The following WDR70 variants were observed in gnomAD, a reference collection of about 807,000 sequenced individuals.
WDR70 encodes the protein WD repeat-containing protein 70.
A neutral mutation model predicts 88.6 loss-of-function variants in WDR70; 53 were observed. The observed-to-expected ratio is 0.60, with a 90% confidence interval of 0.48 to 0.75. The LOEUF (loss-of-function observed/expected upper bound fraction) is 0.75, where lower values mean the gene tolerates loss of function less well. Among genes scored for constraint, WDR70 ranks in the 30% least tolerant of loss-of-function variants. The pLI is 0.00. For missense variants in WDR70, 610 were observed against 823.2 expected (o/e 0.74, Z 3.17); for synonymous variants, 280 against 270.0 (o/e 1.04, Z -0.36).
chr5:37,652,197 T>C (rs1407440276), intron 10 of WDR70, among the ~76,000 whole-genome samples: 3 of 152,250 alleles, frequency 2.0e-5, no homozygotes, highest in African/African-American at 7.2e-5. Flanking sequence ...ACATAGGGAA[T>C]CCTTTCCCCA....
intron 7 of WDR70, among the ~76,000 whole-genome samples, chr5:37,444,521 T>C (rs1192704338): frequency 6.6e-6 from 1 of 151,886 alleles, no homozygotes; most frequent in Non-Finnish European, 1.5e-5. Flanking sequence ...TTGTATTTTT[T>C]TGGTAGAGAT....
chr5:37,534,062 C>G (rs1741581053), intron 9 of WDR70, among the ~76,000 whole-genome samples: 1 of 152,136 alleles, frequency 6.6e-6, no homozygotes, highest in Admixed American at 6.6e-5. Flanking sequence ...TGTGGAAATT[C>G]TTGGTGCTGC....
Position 37,703,075 on chromosome 5 carries a change from C to G in WDR70, c.1404C>G (p.Asp468Glu). 6.2e-7 allele frequency: 1 copy of G among 1,611,038 alleles called. No homozygotes were observed. Among genetic ancestry groups the G allele is most frequent in the Non-Finnish European group, 8.5e-7 (1 of 1,177,534 alleles). The change falls in exon 13 of 18, where the codon GAC becomes GAG. Residue 468 changes from aspartate to glutamate, a missense_variant. Transcript: ENST00000265107. ...RRTFQRVYEI[D>E]ITDASVVRCL... Reference sequence around the variant, plus strand: ...CTTTCCAAAGGGTGTATGAAATAGACATCACAGATGCGGTACGTATATTCT... The same window carrying G: ...CTTTCCAAAGGGTGTATGAAATAGAGATCACAGATGCGGTACGTATATTCT...
At chr5:37,468,474 A>G (rs1465314259) in intron 7 of WDR70, among the ~76,000 whole-genome samples, 1 of 152,150 alleles carries the variant, frequency 6.6e-6, no homozygotes, top group Non-Finnish European at 1.5e-5. Context: ...ACATATTGAC[A>G]TTAAATTTTT....
At chr5:37,393,682 A>AT (rs1748918050) in intron 4 of WDR70, among the ~76,000 whole-genome samples, 3 of 151,546 alleles carry the variant, frequency 2.0e-5, no homozygotes, top group Admixed American at 1.3e-4. Context: ...CTTGTTATTG[A>AT]TTTTTTAATT....
intron 9 of WDR70, among the ~76,000 whole-genome samples, chr5:37,577,607 G>A (rs541559029): frequency 6.6e-6 from 1 of 152,294 alleles, no homozygotes; most frequent in African/African-American, 2.4e-5. Context: ...AGATACACGT[G>A]TGAGGCAAAA....
intron 10 of WDR70, among the ~76,000 whole-genome samples, chr5:37,655,454 C>G (rs1410254840): frequency 2.0e-5 from 3 of 152,038 alleles, no homozygotes; most frequent in African/African-American, 7.2e-5. Context: ...TCTTTGTTCT[C>G]TGTATTTCCT....
chr5:37,475,465 C>G (rs1304840085), intron 7 of WDR70, among the ~76,000 whole-genome samples: 1 of 151,384 alleles, frequency 6.6e-6, no homozygotes, highest in East Asian at 2.0e-4. Flanking sequence ...CTTGAACTCC[C>G]TATCTCAGGT....
chr5:37,504,402 T>C (rs138197376), intron 8 of WDR70, among the ~76,000 whole-genome samples: 2 of 152,312 alleles, frequency 1.3e-5, no homozygotes, highest in East Asian at 3.9e-4. Flanking sequence ...AGATCTAAAA[T>C]CTGCAGTTTC....
chr5:37,415,973 T>C (rs1175435049), intron 5 of WDR70, among the ~76,000 whole-genome samples: 1 of 145,316 alleles, frequency 6.9e-6, no homozygotes, highest in Non-Finnish European at 1.5e-5. Context: ...AAGAGGCGCT[T>C]CTCACTTCCT....
At chr5:37,678,184 C>G (rs868381443) in intron 10 of WDR70, among the ~76,000 whole-genome samples, 1 of 152,148 alleles carries the variant, frequency 6.6e-6, no homozygotes, top group Non-Finnish European at 1.5e-5. Flanking sequence ...ACTCTTTATC[C>G]AATTTGCCAG....
At chr5:37,532,938 C>G (rs1227860758) in intron 9 of WDR70, among the ~76,000 whole-genome samples, 2 of 152,140 alleles carry the variant, frequency 1.3e-5, no homozygotes, top group Non-Finnish European at 2.9e-5. Flanking sequence ...TCAGATTCTT[C>G]TGTCCCATGG....
At chr5:37,611,907 G>C (rs181256470) in intron 10 of WDR70, among the ~76,000 whole-genome samples, 47 of 151,464 alleles carry the variant, frequency 3.1e-4, no homozygotes, top group African/African-American at 1.1e-3. Context: ...TTTCCTGATA[G>C]TGATATCATC....
Position 37,451,415 on chromosome 5 carries a change from G to A in WDR70, c.686+8043G>A, listed in dbSNP as rs1174558863. Among the ~76,000 whole-genome samples, 10 of 152,186 alleles carry A rather than the reference G, an allele frequency of 6.6e-5. No homozygotes were observed. The South Asian group carries it at 1.7e-3, about 25-fold the overall frequency. On this transcript the variant is annotated intron_variant, in intron 7 of 17. Transcript: ENST00000265107. ...GTATCGTCCAGTATGGTAGTCACTC[G>A]TCACATGGGGTTACTGAATACTTGA...
At chr5:37,476,890 G>A (rs905347874) in intron 7 of WDR70, among the ~76,000 whole-genome samples, 1 of 152,186 alleles carries the variant, frequency 6.6e-6, no homozygotes, top group Non-Finnish European at 1.5e-5. Flanking sequence ...AGGCTGGAGT[G>A]TAGTGACGCG....
chr5:37,557,957 A>AATCTTTTGAAAACTC, intron 9 of WDR70, among the ~76,000 whole-genome samples: 1 of 139,336 alleles, frequency 7.2e-6, no homozygotes, highest in Admixed American at 7.1e-5. Flanking sequence ...TCAAAAGAGT[A>AATCTTTTGAAAACTC]TTATGTATAT....
At chr5:37,385,806 T>G (rs1296994860) in intron 3 of WDR70, among the ~76,000 whole-genome samples, 1 of 142,200 alleles carries the variant, frequency 7.0e-6, no homozygotes, top group African/African-American at 3.1e-5. Context: ...AGACCAAATA[T>G]ATATATATAT....
intron 10 of WDR70, among the ~76,000 whole-genome samples, chr5:37,648,692 C>T (rs1429364213): frequency 6.6e-6 from 1 of 151,940 alleles, no homozygotes; most frequent in Non-Finnish European, 1.5e-5. Context: ...GAGTACTTCC[C>T]ACTTCTTTGT....
chr5:37,602,082 T>C (rs185686416), intron 9 of WDR70, among the ~76,000 whole-genome samples: 1 of 138,032 alleles, frequency 7.2e-6, no homozygotes, highest in Non-Finnish European at 1.6e-5. Context: ...GGTGGGAGGC[T>C]AGGGGAGGGA....
Sources: gnomAD v4.1 joint callset for allele counts (sites outside exome capture counted in the v4.1 genomes callset) on GRCh38, gnomAD v4.1.1 for gene constraint, MANE v1.5 for transcripts, NCBI Gene and HGNC (gene_info 2026-07-23, HGNC 2026-07-21) for gene names.